The following PACSIN2 variants were observed in gnomAD, a reference collection of about 807,000 sequenced individuals.
The protein encoded by PACSIN2 is protein kinase C and casein kinase substrate in neurons protein 2.
PACSIN2 carries 25 observed loss-of-function variants against 63.8 expected under a neutral mutation model. The ratio of observed to expected loss-of-function variants is 0.39; its 90% CI spans 0.29 to 0.55. The LOEUF (loss-of-function observed/expected upper bound fraction) is 0.55. Ranked by LOEUF, PACSIN2 falls within the 20% of genes least tolerant of loss-of-function variation. The pLI is 0.62. For synonymous variants in PACSIN2, 255 were observed against 256.2 expected (o/e 1.00, Z 0.05); for missense variants, 518 against 646.9 (o/e 0.80, Z 2.16).
chr22:42,961,857 T>C (rs1934147990), intron 1 of PACSIN2, among the ~76,000 whole-genome samples: 1 of 152,202 alleles, frequency 6.6e-6, no homozygotes, highest in Non-Finnish European at 1.5e-5. Flanking sequence ...TTACTTGACA[T>C]ATGATAATAA....
At chr22:42,930,888 T>C (rs943841758) in intron 1 of PACSIN2, among the ~76,000 whole-genome samples, 3 of 152,194 alleles carry the variant, frequency 2.0e-5, no homozygotes, top group African/African-American at 7.2e-5. Context: ...CACCAGGCTG[T>C]GCTGCCTCCT....
chr22:42,974,577 T>C (rs1277682647), intron 1 of PACSIN2, among the ~76,000 whole-genome samples: 2 of 151,910 alleles, frequency 1.3e-5, no homozygotes, highest in African/African-American at 4.8e-5. Flanking sequence ...GGTGAAACCC[T>C]GCCTCTATTA....
intron 2 of PACSIN2, chr22:42,909,659 T>C (rs927522156): frequency 2.4e-5 from 11 of 462,038 alleles, no homozygotes; most frequent in African/African-American, 1.6e-4. Flanking sequence ...ACTGACATTA[T>C]TGCAGTTGAG....
At chr22:42,977,836 T>G (rs940412417) in intron 1 of PACSIN2, among the ~76,000 whole-genome samples, 2 of 152,226 alleles carry the variant, frequency 1.3e-5, no homozygotes, top group African/African-American at 4.8e-5. Context: ...CCTTCCACCA[T>G]GATTGTAGTT....
At chr22:42,960,169 A>T (rs1934079937) in intron 1 of PACSIN2, among the ~76,000 whole-genome samples, 2 of 152,206 alleles carry the variant, frequency 1.3e-5, no homozygotes, top group Admixed American at 1.3e-4. Flanking sequence ...TACACCATAC[A>T]TGAGTCTTCT....
At chr22:42,892,661 G>C (rs934130011) in intron 3 of PACSIN2, among the ~76,000 whole-genome samples, 2 of 152,194 alleles carry the variant, frequency 1.3e-5, no homozygotes, top group African/African-American at 4.8e-5. Flanking sequence ...CTGCCCTAAG[G>C]ACTGTGCTAA....
At chr22:42,996,717 T>C (rs1053139475) in intron 1 of PACSIN2, among the ~76,000 whole-genome samples, 8 of 151,922 alleles carry the variant, frequency 5.3e-5, no homozygotes, top group East Asian at 3.9e-4. Context: ...AAGCAGAGAA[T>C]AGAGACGGTC....
At chr22:42,877,735 A>G (rs2146635199) in intron 8 of PACSIN2, among the ~76,000 whole-genome samples, 1 of 152,288 alleles carries the variant, frequency 6.6e-6, no homozygotes, top group Admixed American at 6.5e-5. Flanking sequence ...GACCACAGGC[A>G]GACCATCAAG....
intron 1 of PACSIN2, among the ~76,000 whole-genome samples, chr22:42,987,840 T>C (rs995573278): frequency 1.3e-5 from 2 of 151,056 alleles, no homozygotes; most frequent in Non-Finnish European, 1.5e-5. Context: ...CCAGAACACA[T>C]TTTAAAATGC....
intron 1 of PACSIN2, among the ~76,000 whole-genome samples, chr22:42,935,146 C>T (rs1054256488): frequency 6.6e-6 from 1 of 150,948 alleles, no homozygotes; most frequent in Admixed American, 6.6e-5. Flanking sequence ...AGGATGGTCT[C>T]GATCTCCTGA....
At chr22:42,980,777 G>A (rs1454297570) in intron 1 of PACSIN2, among the ~76,000 whole-genome samples, 4 of 91,116 alleles carry the variant, frequency 4.4e-5, no homozygotes, top group African/African-American at 9.1e-5. Flanking sequence ...ATGGAGTCTC[G>A]TTCACTCAGT....
At chr22:42,910,167 A>G (rs1348896229) in intron 2 of PACSIN2, among the ~76,000 whole-genome samples, 2 of 152,060 alleles carry the variant, frequency 1.3e-5, no homozygotes, top group African/African-American at 4.8e-5. Context: ...ACCTGTCCCC[A>G]TTGCCTCTCC....
intron 2 of PACSIN2, among the ~76,000 whole-genome samples, chr22:42,908,986 T>C (rs1391085118): frequency 6.6e-6 from 1 of 152,100 alleles, no homozygotes; most frequent in Non-Finnish European, 1.5e-5. Context: ...TTTTCCCCTA[T>C]ATCTACAGGG....
At chr22:42,879,591 C>A (rs1308195108) in intron 7 of PACSIN2, among the ~76,000 whole-genome samples, 1 of 152,214 alleles carries the variant, frequency 6.6e-6, no homozygotes, top group Non-Finnish European at 1.5e-5. Flanking sequence ...GTCTGCTGAG[C>A]CTCCCAAAGT....
chr22:43,005,817 G>A (rs2146924902), intron 1 of PACSIN2, among the ~76,000 whole-genome samples: 1 of 152,232 alleles, frequency 6.6e-6, no homozygotes, highest in South Asian at 2.1e-4. Context: ...CAGTATCCTG[G>A]TGCAAAGGAC....
intron 7 of PACSIN2, among the ~76,000 whole-genome samples, chr22:42,880,937 C>T (rs1219160996): frequency 1.3e-5 from 2 of 152,236 alleles, no homozygotes; most frequent in Non-Finnish European, 2.9e-5. Flanking sequence ...GCACAAAACA[C>T]GTCAGCCAAG....
chr22:42,969,581 T>C (rs1207481114), intron 1 of PACSIN2, among the ~76,000 whole-genome samples: 7 of 152,108 alleles, frequency 4.6e-5, no homozygotes, highest in Non-Finnish European at 8.8e-5. Context: ...CCAAGCAATA[T>C]GGGATTGATT....
chr22:42,882,441 T>A, intron 6 of PACSIN2, 137 bp from the exon 7 acceptor site: 1 of 948,148 alleles, frequency 1.1e-6, no homozygotes, highest in Non-Finnish European at 1.6e-6. Context: ...AGAACACTCC[T>A]CCCTTGGCTC....
intron 1 of PACSIN2, among the ~76,000 whole-genome samples, chr22:42,947,927 A>G (rs1050323956): frequency 2.0e-5 from 3 of 152,186 alleles, no homozygotes; most frequent in Admixed American, 1.3e-4. Context: ...GTGCCCCCAC[A>G]CTGGGGCACT....
Sources: allele counts gnomAD v4.1 joint callset (sites outside exome capture counted in the v4.1 genomes callset), GRCh38; gene constraint gnomAD v4.1.1; transcripts MANE v1.5; gene names NCBI Gene and HGNC (gene_info 2026-07-23, HGNC 2026-07-21).